Variants in EPS15L1 observed in about 807,000 individuals in gnomAD.
EPS15L1 encodes epidermal growth factor receptor pathway substrate 15 like 1.
EPS15L1 carries 43 observed loss-of-function variants against 117.1 expected under a neutral mutation model. The ratio of observed to expected loss-of-function variants is 0.37; its 90% confidence interval spans 0.29 to 0.47. EPS15L1 has a LOEUF of 0.47. Ranked by LOEUF, EPS15L1 falls within the 20% of genes least tolerant of loss-of-function variation. The pLI is 0.99. For synonymous variants in EPS15L1, 459 were observed against 470.5 expected, an observed-to-expected ratio of 0.98 and a Z score of 0.32; for missense variants, 981 against 1,164.0, an observed-to-expected ratio of 0.84 and a Z score of 2.29.
At chr19:16,464,854 C>A (rs191738505) in intron 1 of EPS15L1, among the ~76,000 whole-genome samples, 1 of 152,098 alleles carries the variant, frequency 6.6e-6, no homozygotes, top group Non-Finnish European at 1.5e-5. Flanking sequence ...GAGGCCAAGG[C>A]GGGCAGATCA....
intron 16 of EPS15L1, chr19:16,401,295 G>A: frequency 1.0e-6 from 1 of 985,358 alleles, no homozygotes; most frequent in African/African-American, 1.7e-5. Context: ...TAAATCCTTG[G>A]GACTGAGGAC....
chr19:16,454,212 A>C (rs1326589268), intron 1 of EPS15L1, among the ~76,000 whole-genome samples: 1 of 152,242 alleles, frequency 6.6e-6, no homozygotes, highest in Non-Finnish European at 1.5e-5. Flanking sequence ...TAAATTGCTG[A>C]GTCTCCATGG....
At chr19:16,465,350 G>T (rs889862750) in intron 1 of EPS15L1, among the ~76,000 whole-genome samples, 1 of 152,160 alleles carries the variant, frequency 6.6e-6, no homozygotes, top group African/African-American at 2.4e-5. Context: ...TGGGCCAGGA[G>T]CACTGATTAC....
At chr19:16,442,923 G>T (rs1296350190) in intron 1 of EPS15L1, among the ~76,000 whole-genome samples, 2 of 152,206 alleles carry the variant, frequency 1.3e-5, no homozygotes, top group Non-Finnish European at 2.9e-5. Context: ...GGCCACACCT[G>T]GATCCAGCCT....
rs140207205 is a variant in EPS15L1, at chr19:16,437,985, G to A, written c.214-120C>T. On this transcript the variant is annotated intron_variant, in intron 4 of 23. Coordinates refer to ENST00000455140, the MANE Select transcript of EPS15L1 (RefSeq NM_001258374.3). Reference sequence around the variant, plus strand: ...TGCACTTCAACAATGAAGGCCGTCCGTGCAAAAACCCCTTGGAGCGTTGGG... The same window carrying A: ...TGCACTTCAACAATGAAGGCCGTCCATGCAAAAACCCCTTGGAGCGTTGGG... 130 of 725,076 alleles carry A rather than the reference G, an allele frequency of 1.8e-4. 1 individual carries two copies. Among genetic ancestry groups the A allele is most frequent in the Middle Eastern group, 1.3e-3 (5 of 3,704 alleles). The allele number at this position is 725,076 out of a possible 1,614,324, so 44.9% of individuals were successfully genotyped here. A position where few individuals can be genotyped will look rare whatever the true frequency, so the allele number is the denominator to read the frequency against.
At chr19:16,367,512 A>C (rs886577168) in intron 22 of EPS15L1, among the ~76,000 whole-genome samples, 2 of 148,862 alleles carry the variant, frequency 1.3e-5, no homozygotes, top group Non-Finnish European at 3.0e-5. Flanking sequence ...AAAAAAAAAA[A>C]AAAAAAAAAA....
chr19:16,372,847 A>G (rs946406510), intron 22 of EPS15L1, among the ~76,000 whole-genome samples: 15 of 152,238 alleles, frequency 9.9e-5, no homozygotes, highest in African/African-American at 3.6e-4. Context: ...CCTTTCCTCC[A>G]ATGTCCAGAA....
At chr19:16,433,974 A>C (rs1367801238) in intron 7 of EPS15L1, among the ~76,000 whole-genome samples, 2 of 151,448 alleles carry the variant, frequency 1.3e-5, no homozygotes, top group African/African-American at 2.4e-5. Context: ...TAAATAAATA[A>C]ATAAATAAAT....
intron 10 of EPS15L1, 80 bp from the exon 11 acceptor site, chr19:16,418,184 T>A: frequency 2.6e-5 from 38 of 1,468,858 alleles, no homozygotes; most frequent in Non-Finnish European, 2.5e-5. Context: ...CCCTTGCTTT[T>A]CAAAAACGAC....
rs532479234 is a variant in EPS15L1, at chr19:16,369,371, G to A, written c.2381-7387C>T. Among the ~76,000 whole-genome samples the A allele has an allele frequency of 1.2e-4, 18 of 152,288 alleles. No homozygotes were observed. In the South Asian group the frequency reaches 3.7e-3, roughly 32 times the overall value. On this transcript the variant is annotated intron_variant, in intron 22 of 23. Coordinates refer to ENST00000455140, the MANE Select transcript of EPS15L1 (RefSeq NM_001258374.3). ...CATGCATTGAAGGGAACAGGATGAG[G>A]TTTGGTTCTGAACTGTTGAGAAAAG...
At chr19:16,413,663 T>C (rs2092728805) in intron 13 of EPS15L1, 110 bp downstream of exon 13, 2 of 899,954 alleles carry the variant, frequency 2.2e-6, no homozygotes, top group South Asian at 2.9e-5. Flanking sequence ...GAGCTCATGT[T>C]TCCATCCAGG....
At chr19:16,417,921 C>T (rs376272852) in intron 11 of EPS15L1, 27 bp downstream of exon 11, 2 of 1,602,882 alleles carry the variant, frequency 1.2e-6, no homozygotes, top group East Asian at 2.2e-5. Context: ...ATGTCAATAC[C>T]CCCAGGGCAT....
At chr19:16,402,923 T>C (rs1373122081) in intron 15 of EPS15L1, among the ~76,000 whole-genome samples, 1 of 152,030 alleles carries the variant, frequency 6.6e-6, no homozygotes, top group Non-Finnish European at 1.5e-5. Context: ...AACTACAAAC[T>C]CTAAGGGTTA....
At chr19:16,413,050 G>C (rs2092722778) in intron 13 of EPS15L1, 2 of 730,252 alleles carry the variant, frequency 2.7e-6, no homozygotes, top group Non-Finnish European at 4.8e-6. Context: ...ACCCGCGCCG[G>C]CCAGTGCACC....
chr19:16,376,525 C>T (rs535944770), intron 22 of EPS15L1, among the ~76,000 whole-genome samples: 2 of 152,290 alleles, frequency 1.3e-5, no homozygotes, highest in South Asian at 2.1e-4. Flanking sequence ...CAGAGCTGTG[C>T]GTTGAGATGC....
Position 16,395,385 on chromosome 19 carries a change from G to T in EPS15L1, c.1874C>A (p.Pro625His). ...TCCTTTAAATGGGTCAGATTTGAAGGGGTCTTCTGTCTGGAAAGGATCCGG... is the reference window on the plus strand; with the variant it reads ...TCCTTTAAATGGGTCAGATTTGAAGTGGTCTTCTGTCTGGAAAGGATCCGG... ...LHPDPFQTED[P>H]FKSDPFKGAD... The change falls in exon 17 of 24, where the codon CCC (proline) becomes CAC (histidine). Residue 625 changes from proline to histidine, a missense_variant. Around this residue, in one of 5 missense-constraint regions of EPS15L1, gnomAD observed 819 missense variants for 949.0 expected, o/e 0.86. Coordinates refer to ENST00000455140, the MANE Select transcript of EPS15L1 (RefSeq NM_001258374.3). 1 of 1,613,950 alleles carries T rather than the reference G, an allele frequency of 6.2e-7. No individual in the cohort carries two copies. Among genetic ancestry groups the T allele is most frequent in the Non-Finnish European group, 8.5e-7 (1 of 1,179,890 alleles).
intron 19 of EPS15L1, among the ~76,000 whole-genome samples, chr19:16,391,358 T>G (rs149327029): frequency 2.8e-3 from 419 of 152,306 alleles, no homozygotes; most frequent in South Asian, 0.018. Flanking sequence ...AAATTCTCAC[T>G]ACAGGTCTTA....
chr19:16,364,662 C>T (rs888256716), intron 22 of EPS15L1, among the ~76,000 whole-genome samples: 5 of 152,332 alleles, frequency 3.3e-5, no homozygotes, highest in South Asian at 4.1e-4. Context: ...GGAGTTGCCC[C>T]GTTCCCTCTC....
chr19:16,429,558 T>A (rs1367906876), intron 7 of EPS15L1, among the ~76,000 whole-genome samples: 2 of 152,142 alleles, frequency 1.3e-5, no homozygotes, highest in Non-Finnish European at 2.9e-5. Flanking sequence ...CGCCCGAGGC[T>A]CAGGCCTCAC....
Sources: allele counts gnomAD v4.1 joint callset (sites outside exome capture counted in the v4.1 genomes callset), GRCh38; gene constraint gnomAD v4.1.1; regional missense constraint gnomAD v4.1.1; transcripts MANE v1.5; gene names NCBI Gene and HGNC (gene_info 2026-07-23, HGNC 2026-07-21).